Variants in COBL observed in about 807,000 individuals in gnomAD.
The protein encoded by COBL is cordon-bleu WH2 repeat protein.
COBL carries 51 observed loss-of-function variants against 98.8 expected under a neutral mutation model. The ratio of observed to expected loss-of-function variants is 0.52; its 90% CI spans 0.41 to 0.65. The LOEUF is 0.65. COBL is among the 30% of genes least tolerant of loss of function. The pLI is 0.00. For missense variants in COBL, 1,617 were observed against 1,617.5 expected, an observed-to-expected ratio of 1.00 and a Z score of 0.01; for synonymous variants, 634 against 651.7, an observed-to-expected ratio of 0.97 and a Z score of 0.41.
At chr7:51,119,488 C>G (rs1255557942) in intron 6 of COBL, among the ~76,000 whole-genome samples, 1 of 152,168 alleles carries the variant, frequency 6.6e-6, no homozygotes, top group Admixed American at 6.5e-5. Context: ...GGGAGCGAAG[C>G]TGTGTTCATG....
chr7:51,086,931 C>A (rs957639457), intron 6 of COBL, among the ~76,000 whole-genome samples: 9 of 151,810 alleles, frequency 5.9e-5, no homozygotes, highest in African/African-American at 2.2e-4. Flanking sequence ...AAAGATGAGT[C>A]AAAACCAGCA....
intron 7 of COBL, among the ~76,000 whole-genome samples, chr7:51,045,891 C>T (rs1481814540): frequency 6.6e-6 from 1 of 152,212 alleles, no homozygotes; most frequent in African/African-American, 2.4e-5. Flanking sequence ...ATATTTGGTG[C>T]ACACACGTGT....
At chr7:51,048,407 G>A (rs139369599) in intron 7 of COBL, among the ~76,000 whole-genome samples, 23 of 152,126 alleles carry the variant, frequency 1.5e-4, no homozygotes, top group African/African-American at 5.5e-4. Context: ...TAAATTAATT[G>A]TAAATTGCCA....
At chr7:51,229,561 C>T (rs996617903) in intron 1 of COBL, among the ~76,000 whole-genome samples, 6 of 152,188 alleles carry the variant, frequency 3.9e-5, no homozygotes, top group African/African-American at 1.4e-4. Flanking sequence ...TAATTATTCC[C>T]GGAGAGCCAA....
At chr7:51,207,776 G>A (rs1040191069) in intron 2 of COBL, among the ~76,000 whole-genome samples, 35 of 152,332 alleles carry the variant, frequency 2.3e-4, no homozygotes, top group Non-Finnish European at 1.9e-4. Context: ...ATCTCAGCTC[G>A]CTACAACCTC....
At chr7:51,294,100 G>A (rs1801167314) in intron 1 of COBL, among the ~76,000 whole-genome samples, 1 of 152,072 alleles carries the variant, frequency 6.6e-6, no homozygotes, top group African/African-American at 2.4e-5. Context: ...AGACCAGCCT[G>A]GCCAACATGG....
intron 2 of COBL, among the ~76,000 whole-genome samples, chr7:51,205,964 G>GA (rs904959114): frequency 2.0e-5 from 3 of 152,102 alleles, no homozygotes; most frequent in African/African-American, 7.2e-5. Flanking sequence ...TCACCATCAG[G>GA]AAAGTGCAAT....
At chr7:51,159,154 C>G (rs1786524652) in intron 5 of COBL, among the ~76,000 whole-genome samples, 1 of 152,146 alleles carries the variant, frequency 6.6e-6, no homozygotes, top group South Asian at 2.1e-4. Context: ...GGCGGCCGCG[C>G]GCGCTGCGCT....
chr7:51,312,953 T>G (rs1185630171), intron 1 of COBL, among the ~76,000 whole-genome samples: 2 of 151,470 alleles, frequency 1.3e-5, no homozygotes, highest in Admixed American at 6.6e-5. Context: ...GTCCAACTCT[T>G]CTAATTTATT....
chr7:51,062,457 C>T (rs116572935), intron 7 of COBL, among the ~76,000 whole-genome samples: 2 of 152,288 alleles, frequency 1.3e-5, no homozygotes, highest in African/African-American at 4.8e-5. Flanking sequence ...TGTCCCGGCG[C>T]TCGGCTGGCC....
chr7:51,151,049 T>C (rs1234963313), intron 5 of COBL, among the ~76,000 whole-genome samples: 1 of 151,282 alleles, frequency 6.6e-6, no homozygotes, highest in Non-Finnish European at 1.5e-5. Flanking sequence ...GGCAAGAAAA[T>C]GAGTCAGTAA....
chr7:51,187,306 T>A (rs1399657499), intron 4 of COBL, among the ~76,000 whole-genome samples: 11 of 116,916 alleles, frequency 9.4e-5, no homozygotes, highest in African/African-American at 4.0e-4. Context: ...ATGTATATGT[T>A]TAAGTATATA....
At chr7:51,049,020 G>T (rs1294125518) in intron 7 of COBL, among the ~76,000 whole-genome samples, 1 of 152,132 alleles carries the variant, frequency 6.6e-6, no homozygotes, top group African/African-American at 2.4e-5. Context: ...TTTTGTTATG[G>T]TTACATCATT....
At chr7:51,173,347 A>C (rs1344361873) in intron 5 of COBL, among the ~76,000 whole-genome samples, 2 of 149,788 alleles carry the variant, frequency 1.3e-5, no homozygotes, top group African/African-American at 2.5e-5. Context: ...CACCAGGATA[A>C]ATTTTTTTGT....
intron 5 of COBL, among the ~76,000 whole-genome samples, chr7:51,137,277 G>C (rs1419249306): frequency 6.6e-6 from 1 of 152,136 alleles, no homozygotes; most frequent in Non-Finnish European, 1.5e-5. Flanking sequence ...CTTAGACGAG[G>C]TATTTTTTGG....
intron 2 of COBL, among the ~76,000 whole-genome samples, chr7:51,206,044 G>GT: frequency 6.6e-6 from 1 of 152,226 alleles, no homozygotes; most frequent in Non-Finnish European, 1.5e-5. Context: ...AATAGCAAGT[G>GT]TTGGTGAGAA....
chr7:51,057,665 A>C (rs75996375), intron 7 of COBL, among the ~76,000 whole-genome samples: 268 of 152,328 alleles, frequency 1.8e-3, no homozygotes, highest in Non-Finnish European at 2.3e-3. Flanking sequence ...AATGTTTCAC[A>C]CACAAACCAC....
chr7:51,048,487 A>C (rs1458217590), intron 7 of COBL, among the ~76,000 whole-genome samples: 1 of 152,186 alleles, frequency 6.6e-6, no homozygotes, highest in Non-Finnish European at 1.5e-5. Flanking sequence ...TAGTATTTTC[A>C]TGCCCAGGCC....
At chr7:51,251,117 C>T (rs896617776) in intron 1 of COBL, among the ~76,000 whole-genome samples, 11 of 152,076 alleles carry the variant, frequency 7.2e-5, no homozygotes, top group African/African-American at 2.7e-4. Context: ...TAAATAGTAA[C>T]ATCTCGAGCA....
Sources: gnomAD v4.1 joint callset for allele counts (sites outside exome capture counted in the v4.1 genomes callset) on GRCh38, gnomAD v4.1.1 for gene constraint, MANE v1.5 for transcripts, NCBI Gene and HGNC (gene_info 2026-07-23, HGNC 2026-07-21) for gene names.